The following CACNB4 variants were observed in gnomAD, a reference collection of about 807,000 sequenced individuals.
CACNB4 encodes the protein calcium voltage-gated channel auxiliary subunit beta 4, also known as voltage-dependent L-type calcium channel subunit beta-4.
A neutral mutation model predicts 71.2 loss-of-function variants in CACNB4; 32 were observed. The ratio of observed to expected loss-of-function variants is 0.45; its 90% CI spans 0.34 to 0.60. CACNB4 has a LOEUF of 0.60. Among genes scored for constraint, CACNB4 ranks in the 20% least tolerant of loss-of-function variants. The pLI, the probability that CACNB4 is intolerant of heterozygous loss-of-function variation, is 0.01. For missense variants in CACNB4, 464 were observed against 647.9 expected, an observed-to-expected ratio of 0.72 and a Z score of 3.08; for synonymous variants, 231 against 236.9, an observed-to-expected ratio of 0.97 and a Z score of 0.23.
At chr2:151,888,727 T>C (rs2099849989) in intron 2 of CACNB4, among the ~76,000 whole-genome samples, 1 of 152,186 alleles carries the variant, frequency 6.6e-6, no homozygotes, top group South Asian at 2.1e-4. Context: ...GAGTGGCCAC[T>C]ACATGAAAGA....
At chr2:151,933,176 C>CA (rs142278220) in intron 2 of CACNB4, among the ~76,000 whole-genome samples, 15,346 of 145,648 alleles carry the variant, frequency 0.11, 2,512 homozygotes, top group African/African-American at 0.36. Flanking sequence ...CCATTAAAAA[C>CA]AAAAAAAAAG....
intron 2 of CACNB4, among the ~76,000 whole-genome samples, chr2:152,052,195 G>T (rs6721639): frequency 0.05 from 7,609 of 152,316 alleles, 622 homozygotes; most frequent in African/African-American, 0.18. Context: ...TAGCCTACAG[G>T]TGGGCAAAAT....
At chr2:152,062,025 T>TAAC (rs1553826316) in intron 2 of CACNB4, among the ~76,000 whole-genome samples, 1 of 135,144 alleles carries the variant, frequency 7.4e-6, no homozygotes, top group African/African-American at 3.5e-5. Context: ...ATAATAATAA[T>TAAC]AATAATAATA....
intron 13 of CACNB4, among the ~76,000 whole-genome samples, chr2:151,839,806 A>G (rs2099835703): frequency 6.6e-6 from 1 of 152,218 alleles, no homozygotes; most frequent in Non-Finnish European, 1.5e-5. Flanking sequence ...AAAGTAACAC[A>G]CCTCACCTTG....
At position 151,971,367 on chromosome 2, in the gene CACNB4, G is replaced by T. The variant is rs114942289; in HGVS notation, c.148-87997C>A. ...AAAGACATTTTCAACAGCACAGAAC[G>T]GTAGGACATATGCGGATGGTTCCCC... On this transcript the variant is annotated intron_variant, in intron 2 of 13. Coordinates refer to ENST00000539935, the MANE Select transcript of CACNB4 (RefSeq NM_000726.5). The T allele has an allele frequency of 6.7e-3, 4,121 of 616,988 alleles. 20 individuals carry two copies. The highest frequency in any genetic ancestry group is 9.1e-3 in the Non-Finnish European group (3,151 of 345,764). 38.2% of individuals were successfully genotyped at this position (616,988 alleles called of 1,614,324 possible).
Position 151,924,672 on chromosome 2 carries a change from T to C in CACNB4, c.148-41302A>G, listed in dbSNP as rs1462971352. On this transcript the variant is annotated intron_variant, in intron 2 of 13. Transcript: ENST00000539935. ...CTAAGAAGCATTCTCAATCCCTGGA[T>C]GAATAAGAGAAGTTCTGGAATATAT... Among the ~76,000 whole-genome samples the C allele has an allele frequency of 3.9e-5, 6 of 152,264 alleles. No individual in the cohort carries two copies. The East Asian group carries it at 9.6e-4, about 24-fold the overall frequency.
intron 2 of CACNB4, among the ~76,000 whole-genome samples, chr2:152,090,372 A>G (rs1222897764): frequency 6.6e-6 from 1 of 152,206 alleles, no homozygotes; most frequent in Non-Finnish European, 1.5e-5. Flanking sequence ...TAAAACTTGA[A>G]GATGGGCGCA....
At chr2:152,099,111 CACCCGGCTCCAGG>C (rs1035635192), upstream of CACNB4, 2 of 703,220 alleles carry the variant, frequency 2.8e-6, no homozygotes, top group African/African-American at 3.8e-5. Flanking sequence ...AGGACTTCCC[CACCCGGCTCCAGG>C]ACCCGCGCCG....
rs779464772 is a variant in CACNB4 at position 151,839,146 on chromosome 2, A to G, written c.1536T>C (p.Tyr512=). ...AAAGCCTATGTCGGGAGTCATGGCTATATCCCCCAGGTGATCCTCGGTTCC... is the reference window on the plus strand; with the variant it reads ...AAAGCCTATGTCGGGAGTCATGGCTGTATCCCCCAGGTGATCCTCGGTTCC... The part of the protein sequence containing the change: ...PHRNRGSPGG[Y]SHDSRHRL Residue 512 remains tyrosine, a synonymous_variant, in exon 14 of 14, where the codon TAT becomes TAC. Transcript: ENST00000539935. 41 of 1,613,166 alleles carry G rather than the reference A, an allele frequency of 2.5e-5. 1 individual carries two copies. The highest frequency in any genetic ancestry group is 1.3e-4 in the East Asian group (6 of 44,878).
intron 10 of CACNB4, chr2:151,859,080 C>T (rs1490497434): frequency 6.6e-6 from 1 of 152,180 alleles, no homozygotes; most frequent in Non-Finnish European, 1.5e-5. Context: ...TACAAATGTG[C>T]ATTAACAAGC....
intron 2 of CACNB4, among the ~76,000 whole-genome samples, chr2:151,929,164 G>A (rs1237216551): frequency 6.6e-6 from 1 of 151,966 alleles, no homozygotes. Flanking sequence ...GGGGAAGCAA[G>A]GAGAGATGGA....
At chr2:152,027,716 G>A (rs1166548747) in intron 2 of CACNB4, among the ~76,000 whole-genome samples, 1 of 152,182 alleles carries the variant, frequency 6.6e-6, no homozygotes, top group Non-Finnish European at 1.5e-5. Context: ...CCTGGGCTTG[G>A]TGGCGCACGC....
chr2:151,939,514 A>C (rs2099863726), intron 2 of CACNB4, among the ~76,000 whole-genome samples: 1 of 152,166 alleles, frequency 6.6e-6, no homozygotes, highest in Non-Finnish European at 1.5e-5. Context: ...CCTTAAAAGA[A>C]AAGGTCTGGA....
Position 151,835,638 on chromosome 2 carries a change from G to A in CACNB4, c.*3481C>T, listed in dbSNP as rs1325583408. On this transcript the variant is annotated 3_prime_UTR_variant, in exon 14 of 14. Transcript: ENST00000539935. ...ACATCCTGGGTCTTAACAACATTTT[G>A]TGATATGTTCATTTAAAGAATTTAA... 6.6e-6 allele frequency: 1 copy of A among 151,834 alleles called. No individual in the cohort carries two copies. Among genetic ancestry groups the A allele is most frequent in the Non-Finnish European group, 1.5e-5 (1 of 67,770 alleles). The allele number at this position is 151,834 out of a possible 1,614,324, so 9.4% of individuals were successfully genotyped here. A position where few individuals can be genotyped will look rare whatever the true frequency, so the allele number is the denominator to read the frequency against.
intron 2 of CACNB4, among the ~76,000 whole-genome samples, chr2:152,046,382 C>T (rs959816679): frequency 1.3e-5 from 2 of 152,170 alleles, no homozygotes; most frequent in Non-Finnish European, 2.9e-5. Flanking sequence ...GAAAGCAGCA[C>T]CTTTGGCCTA....
chr2:151,855,494 T>C (rs939146438), intron 10 of CACNB4, 119 bp from the exon 11 acceptor site: 22 of 752,872 alleles, frequency 2.9e-5, no homozygotes, highest in Non-Finnish European at 4.2e-5. Flanking sequence ...CATTTTAAAT[T>C]TTCATAGTCC....
chr2:151,870,649 T>C (rs771334786), intron 7 of CACNB4, 38 bp from the exon 8 acceptor site: 57 of 1,519,914 alleles, frequency 3.8e-5, no homozygotes, highest in Middle Eastern at 1.7e-4. Flanking sequence ...CAAGGTGAGG[T>C]TGAGCATGCC....
intron 2 of CACNB4, among the ~76,000 whole-genome samples, chr2:151,908,932 C>T (rs953721132): frequency 7.3e-5 from 11 of 151,530 alleles, no homozygotes; most frequent in South Asian, 2.1e-4. Flanking sequence ...TCCGCATTTT[C>T]TTTGAGGTGC....
chr2:152,050,031 T>C (rs944361002), intron 2 of CACNB4, among the ~76,000 whole-genome samples: 2 of 152,248 alleles, frequency 1.3e-5, no homozygotes, highest in Non-Finnish European at 2.9e-5. Context: ...AATCCCAGCA[T>C]GGGTCAGTCT....
Sources: gnomAD v4.1 joint callset for allele counts (sites outside exome capture counted in the v4.1 genomes callset) on GRCh38, gnomAD v4.1.1 for gene constraint, MANE v1.5 for transcripts, NCBI Gene and HGNC (gene_info 2026-07-23, HGNC 2026-07-21) for gene names.